The following GPR158 variants were observed in gnomAD, a reference collection of about 807,000 sequenced individuals.
The protein encoded by GPR158 is G protein-coupled receptor 158, also known as metabotropic glycine receptor.
A neutral mutation model predicts 78.2 loss-of-function variants in GPR158; 30 were observed. The ratio of observed to expected loss-of-function variants is 0.38; its 90% CI spans 0.29 to 0.52. The LOEUF (loss-of-function observed/expected upper bound fraction) is 0.52, where lower values mean the gene tolerates loss of function less well. Among genes scored for constraint, GPR158 ranks in the 20% least tolerant of loss-of-function variants. The pLI is 0.83. For synonymous variants in GPR158, 581 were observed against 591.1 expected (o/e 0.98, Z 0.25); for missense variants, 1,463 against 1,523.5 (o/e 0.96, Z 0.66).
chr10:25,388,791 G>T (rs1003872046), intron 2 of GPR158, among the ~76,000 whole-genome samples: 9 of 152,218 alleles, frequency 5.9e-5, no homozygotes, highest in African/African-American at 1.9e-4. Flanking sequence ...CTCTTGGGGG[G>T]CCTGGGAAGG....
chr10:25,192,790 AAAAAAT>A (rs1852791447), intron 1 of GPR158, among the ~76,000 whole-genome samples: 1 of 151,412 alleles, frequency 6.6e-6, no homozygotes, highest in South Asian at 2.1e-4. Context: ...AAATGATAAA[AAAAAAT>A]AAAAATCGAA....
At chr10:25,460,163 T>A (rs1364593477) in intron 4 of GPR158, among the ~76,000 whole-genome samples, 1 of 152,156 alleles carries the variant, frequency 6.6e-6, no homozygotes, top group East Asian at 1.9e-4. Context: ...TGCATAATAT[T>A]TGCATATTAT....
At chr10:25,275,016 G>T (rs1224626674) in intron 2 of GPR158, among the ~76,000 whole-genome samples, 1 of 152,126 alleles carries the variant, frequency 6.6e-6, no homozygotes, top group African/African-American at 2.4e-5. Context: ...TTATTTAGGA[G>T]AAATATGTTA....
rs1305703484 is a variant in GPR158, at chr10:25,394,640, A to G, written c.1009-1271A>G. ...ATGTGTTTTCAATTGCAGCATATAAATTGGATATGTGTGTGTTAGATGGAA... is the reference window on the plus strand; with the variant it reads ...ATGTGTTTTCAATTGCAGCATATAAGTTGGATATGTGTGTGTTAGATGGAA... On this transcript the variant is annotated intron_variant, in intron 2 of 10. Transcript: ENST00000376351. 5.3e-5 allele frequency among the ~76,000 whole-genome samples: 8 copies of G among 152,186 alleles called. No homozygotes were observed. In the South Asian group the frequency reaches 1.2e-3, roughly 24 times the overall value.
chr10:25,521,859 G>C (rs151189452), intron 5 of GPR158, among the ~76,000 whole-genome samples: 72 of 152,284 alleles, frequency 4.7e-4, no homozygotes, highest in African/African-American at 1.6e-3. Context: ...GAAAACTGCT[G>C]CCAAAAGGTA....
chr10:25,226,992 C>G (rs1385714537), intron 2 of GPR158, among the ~76,000 whole-genome samples: 2 of 152,210 alleles, frequency 1.3e-5, no homozygotes, highest in Non-Finnish European at 2.9e-5. Context: ...CATATCACCA[C>G]TGTATGGATG....
At chr10:25,354,355 CAA>C (rs34409947) in intron 2 of GPR158, among the ~76,000 whole-genome samples, 34 of 111,388 alleles carry the variant, frequency 3.1e-4, no homozygotes, top group African/African-American at 5.5e-4. Flanking sequence ...AACTCAGTCT[CAA>C]AAAAAAAAAA....
chr10:25,210,637 T>C (rs972926995), intron 1 of GPR158, among the ~76,000 whole-genome samples: 1 of 152,252 alleles, frequency 6.6e-6, no homozygotes, highest in East Asian at 1.9e-4. Flanking sequence ...CATTTCTTCA[T>C]ATGCTTGTGG....
intron 1 of GPR158, among the ~76,000 whole-genome samples, chr10:25,178,474 C>A (rs1012282580): frequency 1.3e-5 from 2 of 152,188 alleles, no homozygotes; most frequent in Non-Finnish European, 2.9e-5. Context: ...GAACTCAGTG[C>A]CTTCTGGCAG....
In GPR158 at chr10:25,186,090, A is replaced by G. The variant is rs527522023; in HGVS notation, c.902+9768A>G. Among the ~76,000 whole-genome samples the G allele has an allele frequency of 7.0e-3, 1,063 of 152,296 alleles. 22 individuals carry two copies. The highest frequency in any genetic ancestry group is 0.024 in the African/African-American group (1,005 of 41,562). ...AACTCACTCAAAACCACTCAACTAC[A>G]TGGAAACTGAACAACCTGCTCCTGA... On this transcript the variant is annotated intron_variant, in intron 1 of 10. Transcript: ENST00000376351.
intron 6 of GPR158, among the ~76,000 whole-genome samples, chr10:25,560,945 A>G (rs997054792): frequency 2.0e-5 from 3 of 152,216 alleles, no homozygotes; most frequent in African/African-American, 4.8e-5. Context: ...TCTCTAGGAA[A>G]TACTTAATGT....
chr10:25,233,083 A>T (rs1853474459), intron 2 of GPR158, among the ~76,000 whole-genome samples: 1 of 152,246 alleles, frequency 6.6e-6, no homozygotes, highest in Non-Finnish European at 1.5e-5. Context: ...TCGTTAGATG[A>T]TCAGAGCCCA....
Position 25,175,256 on chromosome 10 carries a change from G to A in GPR158, c.-165G>A. The A allele has an allele frequency of 7.4e-6, 4 of 540,012 alleles. No homozygotes were observed. In the South Asian group the frequency reaches 1.2e-4, roughly 16 times the overall value. The allele number at this position is 540,012 out of a possible 1,614,324, so 33.5% of individuals were successfully genotyped here. On this transcript the variant is annotated 5_prime_UTR_variant, in exon 1 of 11. Transcript: ENST00000376351. The surrounding 1 kb of genome is among the most constrained non-coding windows in gnomAD (Gnocchi z 6.4). ...TTCTGCGACGGTAGCTTAGCCACCC[G>A]GGGCCAATCTCGAAACATTCTTATT...
chr10:25,305,687 C>A (rs183082630), intron 2 of GPR158, among the ~76,000 whole-genome samples: 1 of 152,098 alleles, frequency 6.6e-6, no homozygotes, highest in Non-Finnish European at 1.5e-5. Flanking sequence ...TGGTTTTTAA[C>A]TTTCCCTTGG....
At chr10:25,347,228 G>A (rs989793369) in intron 2 of GPR158, among the ~76,000 whole-genome samples, 3 of 151,880 alleles carry the variant, frequency 2.0e-5, no homozygotes, top group South Asian at 2.1e-4. Context: ...GAGACCTCCT[G>A]TATTCTCTGG....
chr10:25,286,754 A>T (rs1016907297), intron 2 of GPR158, among the ~76,000 whole-genome samples: 8 of 152,132 alleles, frequency 5.3e-5, no homozygotes, highest in Admixed American at 5.2e-4. Context: ...GTGGCATTTC[A>T]TTCAATATGG....
intron 5 of GPR158, among the ~76,000 whole-genome samples, chr10:25,503,405 A>G (rs1035371362): frequency 2.0e-5 from 3 of 151,982 alleles, no homozygotes; most frequent in Non-Finnish European, 4.4e-5. Flanking sequence ...AAAAATCCCA[A>G]CCTTTGTCAT....
At chr10:25,382,959 C>G (rs969701500) in intron 2 of GPR158, among the ~76,000 whole-genome samples, 8 of 152,098 alleles carry the variant, frequency 5.3e-5, no homozygotes, top group Admixed American at 2.0e-4. Context: ...CCTCAGCCCC[C>G]TGAGTAGCTG....
intron 4 of GPR158, among the ~76,000 whole-genome samples, chr10:25,414,896 A>G (rs1318696289): frequency 6.6e-6 from 1 of 152,138 alleles, no homozygotes; most frequent in African/African-American, 2.4e-5. Flanking sequence ...CTCATGAGCC[A>G]GATTGTTTAG....
Sources: allele counts gnomAD v4.1 joint callset (sites outside exome capture counted in the v4.1 genomes callset), GRCh38; gene constraint gnomAD v4.1.1; non-coding constraint Gnocchi (gnomAD v3.1); transcripts MANE v1.5; gene names NCBI Gene and HGNC (gene_info 2026-07-23, HGNC 2026-07-21).